The following EYS variants were observed in gnomAD, a reference collection of about 807,000 sequenced individuals.
EYS encodes EGF-like photoreceptor maintenance factor.
Under a neutral mutation model 282.1 loss-of-function variants are expected in EYS, and 250 were observed. That is an observed-to-expected ratio of 0.89 (90% CI 0.80 to 0.98). The LOEUF (loss-of-function observed/expected upper bound fraction) is 0.98, where lower values mean the gene tolerates loss of function less well. Among genes scored for constraint, EYS ranks in the 50% least tolerant of loss-of-function variants. The probability of loss-of-function intolerance (pLI) is 0.00; values close to 1 mark genes in which losing one functional copy is unlikely to be tolerated. For missense variants in EYS, 4,016 were observed against 3,709.0 expected, an observed-to-expected ratio of 1.08 and a Z score of -2.15; for synonymous variants, 1,355 against 1,282.9, an observed-to-expected ratio of 1.06 and a Z score of -1.20.
intron 31 of EYS, among the ~76,000 whole-genome samples, chr6:64,093,051 A>G (rs1457534193): frequency 6.6e-6 from 1 of 152,144 alleles, no homozygotes; most frequent in Non-Finnish European, 1.5e-5. Flanking sequence ...TTTGTCAAAT[A>G]TCAGATAGTT....
intron 5 of EYS, among the ~76,000 whole-genome samples, chr6:65,464,627 C>T (rs1357192891): frequency 6.6e-6 from 1 of 152,154 alleles, no homozygotes; most frequent in Non-Finnish European, 1.5e-5. Flanking sequence ...AGCCCTATCT[C>T]CTCTAAACCA....
chr6:63,864,713 A>G (rs1245449605), intron 35 of EYS, among the ~76,000 whole-genome samples: 1 of 152,212 alleles, frequency 6.6e-6, no homozygotes, highest in East Asian at 1.9e-4. Flanking sequence ...AATGTCTATT[A>G]GCAAAAAACA....
At chr6:64,450,449 C>A (rs1049204555) in intron 26 of EYS, among the ~76,000 whole-genome samples, 3 of 152,060 alleles carry the variant, frequency 2.0e-5, no homozygotes, top group African/African-American at 7.2e-5. Flanking sequence ...GACAGATCAA[C>A]GAGACAGAAA....
intron 13 of EYS, among the ~76,000 whole-genome samples, chr6:65,039,018 A>G (rs1772851545): frequency 6.6e-6 from 1 of 151,582 alleles, no homozygotes; most frequent in South Asian, 2.1e-4. Flanking sequence ...CAAAAATTTT[A>G]AATTTGGTTA....
At chr6:64,794,860 C>T (rs115389655) in intron 22 of EYS, among the ~76,000 whole-genome samples, 1 of 152,106 alleles carries the variant, frequency 6.6e-6, no homozygotes, top group Non-Finnish European at 1.5e-5. Context: ...ACCCCACCAA[C>T]CACCCACACA....
chr6:65,675,966 T>A (rs532152764), intron 1 of EYS, among the ~76,000 whole-genome samples: 65 of 151,880 alleles, frequency 4.3e-4, no homozygotes, highest in Middle Eastern at 6.8e-3. Context: ...TACAATTATA[T>A]GAAAACTAAC....
intron 29 of EYS, among the ~76,000 whole-genome samples, chr6:64,350,618 G>A (rs1771591191): frequency 6.6e-6 from 1 of 151,542 alleles, no homozygotes; most frequent in African/African-American, 2.4e-5. Context: ...GAAGTGACAA[G>A]GAAATAGTTG....
In EYS at chr6:64,540,615, TG is replaced by T. The variant is rs1389612276; in HGVS notation, c.5644+49607del. Among the ~76,000 whole-genome samples, 4 of 151,388 alleles carry T rather than the reference TG, an allele frequency of 2.6e-5. 1 individual carries two copies. In the Admixed American group the frequency reaches 2.6e-4, roughly 10 times the overall value. On this transcript the variant is annotated intron_variant, in intron 26 of 42. Coordinates refer to ENST00000503581, the MANE Select transcript of EYS (RefSeq NM_001142800.2). ...CACCAGCCTCAGCCTCCTGAGTAGC[TG>T]GGATCACAGGCATGCACCGCCACAC...
chr6:65,676,318 C>T (rs972765860), intron 1 of EYS, among the ~76,000 whole-genome samples: 1 of 151,602 alleles, frequency 6.6e-6, no homozygotes, highest in Admixed American at 6.6e-5. Context: ...ACAAAATTGA[C>T]AAAACCTCAG....
intron 40 of EYS, 63 bp from the exon 41 acceptor site, chr6:63,762,696 A>G (rs1769677088): frequency 1.4e-6 from 2 of 1,413,942 alleles, no homozygotes; most frequent in African/African-American, 2.9e-5. Context: ...CATACTATGT[A>G]TTGCCCTGAT....
intron 2 of EYS, among the ~76,000 whole-genome samples, chr6:65,578,876 T>C (rs974024139): frequency 7.9e-5 from 12 of 152,118 alleles, no homozygotes; most frequent in African/African-American, 2.9e-4. Flanking sequence ...GCATATTGAC[T>C]GAGGCATTAA....
At chr6:64,255,865 A>G (rs1042734943) in intron 30 of EYS, among the ~76,000 whole-genome samples, 3 of 152,048 alleles carry the variant, frequency 2.0e-5, no homozygotes, top group Non-Finnish European at 4.4e-5. Context: ...TTTATTATGA[A>G]AAATTTTATG....
intron 26 of EYS, among the ~76,000 whole-genome samples, chr6:64,543,354 A>G (rs1362452021): frequency 1.3e-5 from 2 of 152,070 alleles, no homozygotes; most frequent in African/African-American, 4.8e-5. Context: ...TTAGTGGATT[A>G]TTTATTTCTG....
At chr6:64,608,819 G>A (rs1720099116) in intron 24 of EYS, among the ~76,000 whole-genome samples, 1 of 152,120 alleles carries the variant, frequency 6.6e-6, no homozygotes, top group Non-Finnish European at 1.5e-5. Flanking sequence ...GCTATATACT[G>A]TATTACTTCA....
Position 64,307,024 on chromosome 6 carries a change from C to T in EYS, c.6137G>A (p.Trp2046Ter), listed in dbSNP as rs878853350. The T allele has an allele frequency of 4.5e-6, 7 of 1,545,990 alleles. No individual in the cohort carries two copies. The highest frequency in any genetic ancestry group is 1.2e-5 in the South Asian group (1 of 83,806). ...GCIEVIEINN[W>*]RSFIPSKAVK... ...TGCCTTGGATGGAATGAAAGATCTC[C>T]AGTTATTTATTTCTATAACTTCTAT... is the stretch of plus-strand genomic sequence containing the variant. The change falls in exon 30 of 43, where the codon TGG becomes TAG. Residue 2046 changes from tryptophan (W) to a stop codon, truncating the protein, a stop_gained. Transcript: ENST00000503581. LOFTEE classifies it high-confidence loss of function.
intron 31 of EYS, among the ~76,000 whole-genome samples, chr6:64,164,932 A>C (rs185780215): frequency 6.6e-6 from 1 of 152,102 alleles, no homozygotes; most frequent in Non-Finnish European, 1.5e-5. Context: ...TGGATCTTTG[A>C]CTTTTTTCCC....
chr6:63,768,723 A>G (rs1383228766), intron 40 of EYS, among the ~76,000 whole-genome samples: 1 of 152,130 alleles, frequency 6.6e-6, no homozygotes, highest in Non-Finnish European at 1.5e-5. Flanking sequence ...ATTACTGGCT[A>G]TATACCCAAA....
chr6:65,256,420 T>A (rs1273781726), intron 12 of EYS, among the ~76,000 whole-genome samples: 4 of 100,958 alleles, frequency 4.0e-5, no homozygotes, highest in East Asian at 3.0e-4. Context: ...CCCTCCCGCC[T>A]CCCCCCTCCC....
chr6:64,628,855 A>G (rs1767691037), intron 22 of EYS, among the ~76,000 whole-genome samples: 1 of 152,184 alleles, frequency 6.6e-6, no homozygotes, highest in Admixed American at 6.5e-5. Context: ...GATAACAAAA[A>G]AGTTGCAAGG....
Sources: allele counts gnomAD v4.1 joint callset (sites outside exome capture counted in the v4.1 genomes callset), GRCh38; gene constraint gnomAD v4.1.1; transcripts MANE v1.5; gene names NCBI Gene and HGNC (gene_info 2026-07-23, HGNC 2026-07-21).